The following CHD6 variants were observed in gnomAD, a reference collection of about 807,000 sequenced individuals.
CHD6 encodes the protein chromodomain helicase DNA binding protein 6.
CHD6 carries 50 observed loss-of-function variants against 276.9 expected under a neutral mutation model. The ratio of observed to expected loss-of-function variants is 0.18; its 90% CI spans 0.14 to 0.23. The LOEUF is 0.23. Among genes scored for constraint, CHD6 ranks in the 10% least tolerant of loss-of-function variants. CHD6 has a pLI of 1.00. For synonymous variants in CHD6, 1,173 were observed against 1,229.3 expected (o/e 0.95, Z 0.96); for missense variants, 2,564 against 3,365.8 (o/e 0.76, Z 5.89).
chr20:41,416,794 C>A lies in CHD6; in HGVS notation c.6280G>T (p.Asp2094Tyr). The change falls in exon 33 of 37, where the codon GAC becomes TAC. Residue 2094 changes from aspartate to tyrosine, a missense_variant and splice_region_variant. Physicochemically the swap from Asp to Tyr is radical, Grantham distance 160 (BLOSUM62 -3). Coordinates refer to ENST00000373233, the MANE Select transcript of CHD6 (RefSeq NM_032221.5). ...TLYSFSEWPKDRVIINRLDNI... is the reference protein window; with the variant it reads ...TLYSFSEWPKYRVIINRLDNI... ...TCTAGGCGGTTAATTATCACGCGGT[C>A]CTAGAAAAAAGGATAAAGCTCTGAT... 6.5e-7 allele frequency: 1 copy of A among 1,544,802 alleles called. No homozygotes were observed. Among genetic ancestry groups the A allele is most frequent in the South Asian group, 1.2e-5 (1 of 82,962 alleles).
chr20:41,444,630 A>G (rs1463470494), intron 25 of CHD6, among the ~76,000 whole-genome samples: 2 of 152,230 alleles, frequency 1.3e-5, no homozygotes, highest in Non-Finnish European at 2.9e-5. Context: ...TAAAAGTTGA[A>G]GAATTCCCTT....
chr20:41,487,552 C>CCTTT, intron 14 of CHD6, 113 bp downstream of exon 14: 1 of 1,026,568 alleles, frequency 9.7e-7, no homozygotes, highest in Non-Finnish European at 1.4e-6. Flanking sequence ...AGGTAACGCT[C>CCTTT]ATTTTACCAG....
At position 41,497,426 on chromosome 20, in the gene CHD6, T is replaced by C. The variant is rs763129870; in HGVS notation, c.1050A>G (p.Arg350=). Residue 350 remains arginine (R), a synonymous_variant, in exon 8 of 37, where the codon CGA becomes CGG. Coordinates refer to ENST00000373233, the MANE Select transcript of CHD6 (RefSeq NM_032221.5). The stretch of plus-strand genomic sequence containing the variant: ...TCATCTGGGCTTGTTTATTCCTAAA[T>C]CGCTTGATCTTCTGTGCGATGCGAG... The part of the protein sequence containing the change: ...KDPRIAQKIK[R]FRNKQAQMKH... 1 of 1,613,908 alleles carries C rather than the reference T, an allele frequency of 6.2e-7. No homozygotes were observed. The highest frequency in any genetic ancestry group is 8.5e-7 in the Non-Finnish European group (1 of 1,179,834).
rs114837892 is a variant in CHD6 at position 41,581,218 on chromosome 20, T to G, written c.-23-29858A>C. Reference sequence around the variant, plus strand: ...CCATGAGATAGGTACGGTACTATTATTGTTCCCATTGTATAGATGAGGACA... The same window carrying G: ...CCATGAGATAGGTACGGTACTATTAGTGTTCCCATTGTATAGATGAGGACA... On this transcript the variant is annotated intron_variant, in intron 1 of 36. Coordinates refer to ENST00000373233, the MANE Select transcript of CHD6 (RefSeq NM_032221.5). Among the ~76,000 whole-genome samples the G allele has an allele frequency of 2.1e-4, 32 of 152,340 alleles. 1 individual carries two copies. Among genetic ancestry groups the G allele is most frequent in the African/African-American group, 7.7e-4 (32 of 41,566 alleles).
intron 1 of CHD6, among the ~76,000 whole-genome samples, chr20:41,579,571 T>A (rs1486677327): frequency 2.0e-5 from 3 of 151,926 alleles, no homozygotes; most frequent in Admixed American, 1.3e-4. Context: ...CACAAAAACA[T>A]CTGATACTAG....
chr20:41,494,316 T>C (rs1434992192), intron 8 of CHD6, among the ~76,000 whole-genome samples: 1 of 152,186 alleles, frequency 6.6e-6, no homozygotes, highest in Non-Finnish European at 1.5e-5. Context: ...TAGTTAACAC[T>C]GGCAGGGGGC....
intron 5 of CHD6, among the ~76,000 whole-genome samples, chr20:41,510,934 CCTA>C (rs1333468139): frequency 2.0e-5 from 3 of 152,048 alleles, no homozygotes; most frequent in Admixed American, 6.5e-5. Flanking sequence ...AATTATTATT[CCTA>C]CTAAGTGTTA....
rs980776853 is a variant in CHD6 at position 41,489,712 on chromosome 20, T to C, written c.1680+66A>G. 5.0e-6 allele frequency: 8 copies of C among 1,599,148 alleles called. No homozygotes were observed. In the African/African-American group the frequency reaches 8.0e-5, roughly 16 times the overall value. On this transcript the variant is annotated intron_variant, in intron 12 of 36. Transcript: ENST00000373233. ...TGCAGGGCACTGGAACTTCTGAAGA[T>C]AAGTGACAGAAAGGCTGTTCTGAGC...
intron 1 of CHD6, among the ~76,000 whole-genome samples, chr20:41,565,571 G>A (rs2045346360): frequency 6.6e-6 from 1 of 152,186 alleles, no homozygotes; most frequent in Non-Finnish European, 1.5e-5. Context: ...CTCAGGCAAT[G>A]TAATCCTTTT....
chr20:41,523,552 T>G (rs1169358572), intron 3 of CHD6, among the ~76,000 whole-genome samples: 1 of 152,206 alleles, frequency 6.6e-6, no homozygotes, highest in Non-Finnish European at 1.5e-5. Flanking sequence ...CCATCAAAGC[T>G]TTTATCCTGT....
At chr20:41,617,895 C>A (rs886229653) in intron 1 of CHD6, among the ~76,000 whole-genome samples, 46 of 148,664 alleles carry the variant, frequency 3.1e-4, no homozygotes, top group Non-Finnish European at 5.0e-4. Context: ...ATAGCGGTCA[C>A]CCCCGCCCCG....
At chr20:41,601,339 G>C (rs1004686885) in intron 1 of CHD6, among the ~76,000 whole-genome samples, 1 of 152,112 alleles carries the variant, frequency 6.6e-6, no homozygotes, top group African/African-American at 2.4e-5. Context: ...GACTACTACT[G>C]GACATGCCTT....
At chr20:41,532,082 T>C (rs1384957290) in intron 3 of CHD6, among the ~76,000 whole-genome samples, 1 of 152,196 alleles carries the variant, frequency 6.6e-6, no homozygotes, top group Non-Finnish European at 1.5e-5. Flanking sequence ...ACAAGGAATT[T>C]AGAAACAAAA....
intron 1 of CHD6, among the ~76,000 whole-genome samples, chr20:41,609,542 C>T (rs549629494): frequency 1.1e-4 from 16 of 152,300 alleles, no homozygotes; most frequent in African/African-American, 3.8e-4. Context: ...AGCATTAACT[C>T]ATGCCATAAA....
rs1284698889 is a variant in CHD6 at position 41,513,799 on chromosome 20, CTCTTT to C, written c.703-809_703-805del. 2.0e-5 allele frequency among the ~76,000 whole-genome samples: 3 copies of C among 152,324 alleles called. No homozygotes were observed. The South Asian group carries it at 6.2e-4, about 32-fold the overall frequency. On this transcript the variant is annotated intron_variant, in intron 4 of 36. Coordinates refer to ENST00000373233, the MANE Select transcript of CHD6 (RefSeq NM_032221.5). ...CAAAAGCAAAAGCAAAATCCCACCT[CTCTTT>C]TCTTCTAAAAGATACCTCCTGAGTG...
chr20:41,404,325 G>C lies in CHD6; in HGVS notation c.*268C>G, dbSNP rs565680308. On this transcript the variant is annotated 3_prime_UTR_variant, in exon 37 of 37. Coordinates refer to ENST00000373233, the MANE Select transcript of CHD6 (RefSeq NM_032221.5). ...AGAAGGGGGTAGGGCGTGTCACCAA[G>C]TACTGTATTAACTATGATTGCTGGA... 1.5e-4 allele frequency: 178 copies of C among 1,168,410 alleles called. No homozygotes were observed. In the African/African-American group the frequency reaches 1.9e-3, roughly 12 times the overall value. 72.4% of individuals were successfully genotyped at this position (1,168,410 alleles called of 1,614,324 possible). A position where few individuals can be genotyped will look rare whatever the true frequency, so the allele number is the denominator to read the frequency against.
At position 41,533,160 on chromosome 20, in the gene CHD6, T is replaced by G. The variant is rs1433150631; in HGVS notation, c.444A>C (p.Lys148Asn). The change falls in exon 3 of 37, where the codon AAA becomes AAC. Residue 148 changes from lysine to asparagine, a missense_variant. This residue lies in a region of CHD6 where 286 missense variants were observed against 297.8 expected (regional missense o/e 0.96). Coordinates refer to ENST00000373233, the MANE Select transcript of CHD6 (RefSeq NM_032221.5). ...GCTTCCGTGCCTTCTTTGCCCCATC[T>G]TTTTGCTTCGGCTCCTTGTGCTCCT... ...KAKEHKEPKQ[K>N]DGAKKARKPR... 2 of 1,614,030 alleles carry G rather than the reference T, an allele frequency of 1.2e-6. No homozygotes were observed. The highest frequency in any genetic ancestry group is 1.3e-5 in the African/African-American group (1 of 74,940).
intron 1 of CHD6, among the ~76,000 whole-genome samples, chr20:41,602,467 C>T (rs2045783475): frequency 6.6e-6 from 1 of 152,154 alleles, no homozygotes; most frequent in South Asian, 2.1e-4. Context: ...TGCCAGTTTG[C>T]TCAAGTTTAA....
chr20:41,490,184 C>T (rs1192425249), intron 11 of CHD6, among the ~76,000 whole-genome samples, 163 bp from the exon 12 acceptor site: 1 of 152,166 alleles, frequency 6.6e-6, no homozygotes, highest in Non-Finnish European at 1.5e-5. Context: ...ATTATTCCTA[C>T]TTTGCCTACT....
Sources: allele counts gnomAD v4.1 joint callset (sites outside exome capture counted in the v4.1 genomes callset), GRCh38; gene constraint gnomAD v4.1.1; regional missense constraint gnomAD v4.1.1; transcripts MANE v1.5; gene names NCBI Gene and HGNC (gene_info 2026-07-23, HGNC 2026-07-21).